LRBA: variants seen among roughly 807,000 people sequenced by gnomAD.
The protein encoded by LRBA is LPS responsive beige-like anchor protein.
In LRBA, 176 loss-of-function variants were observed where a neutral mutation model predicts 330.0. The observed-to-expected ratio is 0.53, with a 90% CI of 0.47 to 0.60. The LOEUF is 0.60. LRBA is among the 20% of genes least tolerant of loss of function. The pLI, the probability that LRBA is intolerant of heterozygous loss-of-function variation, is 0.00. For synonymous variants in LRBA, 1,230 were observed against 1,193.0 expected (o/e 1.03, Z -0.64); for missense variants, 3,259 against 3,444.8 (o/e 0.95, Z 1.35).
chr4:150,482,296 C>T (rs1436550169), intron 42 of LRBA, among the ~76,000 whole-genome samples: 1 of 152,022 alleles, frequency 6.6e-6, no homozygotes, highest in African/African-American at 2.4e-5. Context: ...CAACATGCAG[C>T]CTTTTGTTTT....
At chr4:150,837,834 A>G (rs1281619149) in intron 28 of LRBA, among the ~76,000 whole-genome samples, 1 of 152,188 alleles carries the variant, frequency 6.6e-6, no homozygotes, top group Non-Finnish European at 1.5e-5. Context: ...TCCTGTCATT[A>G]TGATGTTAGC....
At chr4:150,842,432 C>T (rs1234367084) in intron 28 of LRBA, among the ~76,000 whole-genome samples, 1 of 152,128 alleles carries the variant, frequency 6.6e-6, no homozygotes, top group Non-Finnish European at 1.5e-5. Flanking sequence ...GGACTAGAGG[C>T]GTGTGCTACC....
intron 35 of LRBA, among the ~76,000 whole-genome samples, chr4:150,753,978 G>C (rs1364582511): frequency 6.6e-6 from 1 of 151,424 alleles, no homozygotes; most frequent in African/African-American, 2.4e-5. Context: ...GAGATAAAAG[G>C]ATCACCTGAG....
chr4:150,618,907 G>A (rs976931204), intron 37 of LRBA, among the ~76,000 whole-genome samples: 3 of 149,390 alleles, frequency 2.0e-5, no homozygotes, highest in Non-Finnish European at 3.0e-5. Context: ...TCCTAATTCA[G>A]CAGTTTTAAT....
At chr4:150,406,883 C>T (rs985352487) in intron 47 of LRBA, among the ~76,000 whole-genome samples, 7 of 152,100 alleles carry the variant, frequency 4.6e-5, no homozygotes, top group South Asian at 2.1e-4. Context: ...CAGGTTCAAG[C>T]GATCCTCCTG....
chr4:150,828,628 C>T lies in LRBA; in HGVS notation c.4730-7G>A. The T allele has an allele frequency of 1.1e-5, 18 of 1,603,768 alleles. No homozygotes were observed. The highest frequency in any genetic ancestry group is 1.4e-5 in the Non-Finnish European group (17 of 1,174,966). The stretch of plus-strand genomic sequence containing the variant: ...AATGCTGCTGGTGTGATTTCTATAT[C>T]ATACCCAGAAACACAAGAAATAAAC... On this transcript the variant is annotated splice_polypyrimidine_tract_variant and splice_region_variant and intron_variant, in intron 29 of 56. Transcript: ENST00000651943.
chr4:150,722,837 A>T (rs1399876826), intron 36 of LRBA, among the ~76,000 whole-genome samples: 1 of 152,016 alleles, frequency 6.6e-6, no homozygotes, highest in African/African-American at 2.4e-5. Context: ...TGAATCACTG[A>T]TGCCACCTCT....
Position 150,897,804 on chromosome 4 carries a change from T to A in LRBA, c.1939A>T (p.Asn647Tyr), listed in dbSNP as rs1387231547. 4.3e-6 allele frequency: 7 copies of A among 1,611,366 alleles called. No individual in the cohort carries two copies. Among genetic ancestry groups the A allele is most frequent in the Non-Finnish European group, 5.9e-6 (7 of 1,178,152 alleles). The change falls in exon 15 of 57, where the codon AAT becomes TAT. Residue 647 changes from asparagine to tyrosine, a missense_variant. Transcript: ENST00000651943. ...TPKGLDGPRP[N>Y]QKEMLSLRAF... is the part of the protein sequence containing the mutation. ...CGTAGAGAAAGCATTTCTTTTTGAT[T>A]AGGTCGCGGTCCATCTTTTAAAAAA...
chr4:150,512,975 A>G (rs1407352378), intron 40 of LRBA, among the ~76,000 whole-genome samples: 1 of 152,240 alleles, frequency 6.6e-6, no homozygotes, highest in African/African-American at 2.4e-5. Flanking sequence ...GATGTAGGCA[A>G]AAAGTCATAG....
rs1055096110 is a variant in LRBA, at chr4:150,583,314, C to T, written c.6330+4734G>A. ...ACTTCGTGGACGACGGCTCGCTGCC[C>T]GGCTGCGCAGTGCTCAAACTGAGCG... On this transcript the variant is annotated intron_variant, in intron 40 of 56. Coordinates refer to ENST00000651943, the MANE Select transcript of LRBA (RefSeq NM_001364905.1). The surrounding 1 kb of genome is among the most constrained non-coding windows in gnomAD (Gnocchi z 9.8). 3.1e-6 allele frequency: 5 copies of T among 1,614,200 alleles called. No homozygotes were observed. The highest frequency in any genetic ancestry group is 4.2e-6 in the Non-Finnish European group (5 of 1,180,042).
At chr4:150,606,774 T>C (rs1031086740) in intron 37 of LRBA, among the ~76,000 whole-genome samples, 1 of 152,232 alleles carries the variant, frequency 6.6e-6, no homozygotes, top group Non-Finnish European at 1.5e-5. Context: ...GTTACTATTA[T>C]AGCTATGATC....
chr4:150,661,642 A>G (rs925592150), intron 37 of LRBA, among the ~76,000 whole-genome samples: 24 of 152,054 alleles, frequency 1.6e-4, no homozygotes, highest in Admixed American at 6.6e-4. Flanking sequence ...ACTGAGTCTC[A>G]CTCTATCGCC....
At chr4:150,663,218 G>A (rs1374858074) in intron 37 of LRBA, among the ~76,000 whole-genome samples, 1 of 152,006 alleles carries the variant, frequency 6.6e-6, no homozygotes, top group Non-Finnish European at 1.5e-5. Flanking sequence ...TTGTCTATAG[G>A]GAACTACCGT....
rs888465668 is a variant in LRBA at position 150,867,820 on chromosome 4, G to C, written c.2617C>G (p.Leu873Val). Residue 873 changes from leucine (L) to valine (V), a missense_variant, in exon 22 of 57, where the codon CTC becomes GTC. By Grantham distance (32) the Leu-to-Val change is conservative. Coordinates refer to ENST00000651943, the MANE Select transcript of LRBA (RefSeq NM_001364905.1). ...GAATTCTTAGGATTAAAATAGCAGA[G>C]AGAAAGCATCCATTCTTGCCACACA... is the stretch of plus-strand genomic sequence containing the variant. ...CSVWQEWMLS[L>V]CYFNPKNSDE... 6.2e-7 allele frequency: 1 copy of C among 1,613,334 alleles called. No homozygotes were observed. Among genetic ancestry groups the C allele is most frequent in the Non-Finnish European group, 8.5e-7 (1 of 1,179,716 alleles).
chr4:150,865,717 C>T (rs1488848916), intron 22 of LRBA, among the ~76,000 whole-genome samples: 2 of 134,550 alleles, frequency 1.5e-5, no homozygotes, highest in Admixed American at 7.6e-5. Flanking sequence ...GCAATATATT[C>T]TTTTTTTTTT....
chr4:150,563,254 A>T (rs912711937), intron 40 of LRBA, among the ~76,000 whole-genome samples: 1 of 152,208 alleles, frequency 6.6e-6, no homozygotes, highest in Non-Finnish European at 1.5e-5. Flanking sequence ...GTTTTTACAC[A>T]AATCAATAAA....
intron 47 of LRBA, among the ~76,000 whole-genome samples, chr4:150,374,851 A>C (rs1358239795): frequency 6.6e-6 from 1 of 152,206 alleles, no homozygotes; most frequent in Non-Finnish European, 1.5e-5. Context: ...AGACTCCAAA[A>C]TACAGTTGCT....
At chr4:150,596,513 T>A (rs538885009) in intron 38 of LRBA, among the ~76,000 whole-genome samples, 1 of 151,924 alleles carries the variant, frequency 6.6e-6, no homozygotes, top group African/African-American at 2.4e-5. Flanking sequence ...AAGTGAGAAG[T>A]CATAAAAATA....
At chr4:150,697,827 T>G (rs1330464340) in intron 36 of LRBA, among the ~76,000 whole-genome samples, 4 of 152,132 alleles carry the variant, frequency 2.6e-5, no homozygotes, top group Admixed American at 6.5e-5. Context: ...GTTTTGTTTT[T>G]TTTTTAACCT....
Sources: allele counts gnomAD v4.1 joint callset (sites outside exome capture counted in the v4.1 genomes callset), GRCh38; gene constraint gnomAD v4.1.1; non-coding constraint Gnocchi (gnomAD v3.1); transcripts MANE v1.5; gene names NCBI Gene and HGNC (gene_info 2026-07-23, HGNC 2026-07-21).